TNR: variants seen among roughly 807,000 people sequenced by gnomAD.
TNR encodes the protein tenascin-R.
Under a neutral mutation model 150.4 loss-of-function variants are expected in TNR, and 45 were observed. The ratio of observed to expected loss-of-function variants is 0.30; its 90% CI spans 0.24 to 0.38. TNR has a LOEUF of 0.38. TNR is among the 10% of genes least tolerant of loss of function. The pLI, the probability that TNR is intolerant of heterozygous loss-of-function variation, is 1.00. For missense variants in TNR, 1,544 were observed against 1,759.1 expected (o/e 0.88, Z 2.19); for synonymous variants, 687 against 678.4 (o/e 1.01, Z -0.20).
At chr1:175,376,564 C>G (rs577051463) in intron 9 of TNR, among the ~76,000 whole-genome samples, 2 of 152,276 alleles carry the variant, frequency 1.3e-5, no homozygotes, top group Non-Finnish European at 2.9e-5. Flanking sequence ...GGCTGAAAAA[C>G]TTAACTTTTT....
intron 1 of TNR, among the ~76,000 whole-genome samples, chr1:175,621,093 G>A (rs1266093465): frequency 6.6e-6 from 1 of 152,288 alleles, no homozygotes; most frequent in East Asian, 1.9e-4. Context: ...CATCGTCCTT[G>A]ACTGTTAACT....
chr1:175,588,210 A>C (rs999940316), intron 1 of TNR, among the ~76,000 whole-genome samples: 20 of 152,384 alleles, frequency 1.3e-4, no homozygotes, highest in South Asian at 4.1e-4. Flanking sequence ...GGAGGAATTC[A>C]AGCATTGAAT....
chr1:175,656,373 T>C (rs576703521), intron 1 of TNR, among the ~76,000 whole-genome samples: 6 of 152,160 alleles, frequency 3.9e-5, no homozygotes, highest in African/African-American at 1.4e-4. Context: ...ACGAAAATAT[T>C]TTTCAGTTCC....
intron 2 of TNR, among the ~76,000 whole-genome samples, chr1:175,417,076 A>C (rs868519649): frequency 6.3e-4 from 72 of 113,762 alleles, no homozygotes; most frequent in African/African-American, 2.0e-3. Context: ...AGAAAGAAAG[A>C]AATCTAAGAA....
chr1:175,576,901 T>C (rs1261425527), intron 1 of TNR, among the ~76,000 whole-genome samples: 2 of 152,228 alleles, frequency 1.3e-5, no homozygotes, highest in African/African-American at 2.4e-5. Context: ...CTCTACTCTG[T>C]GTATGATAAT....
chr1:175,478,689 T>A (rs1016843805), intron 2 of TNR, among the ~76,000 whole-genome samples: 2 of 152,058 alleles, frequency 1.3e-5, no homozygotes, highest in Admixed American at 1.3e-4. Flanking sequence ...GGACAATCCA[T>A]GCCTGGCTCA....
chr1:175,436,581 C>T lies in TNR; in HGVS notation c.-63-29804G>A, dbSNP rs567943434. On this transcript the variant is annotated intron_variant, in intron 2 of 22. Transcript: ENST00000367674. Reference sequence around the variant, plus strand: ...AAATGCCCCAATTAAAAGACACAGACTGGCAAATTGGATAAAGAGTCAAGA... The same window carrying T: ...AAATGCCCCAATTAAAAGACACAGATTGGCAAATTGGATAAAGAGTCAAGA... Among the ~76,000 whole-genome samples the T allele has an allele frequency of 2.2e-4, 34 of 152,236 alleles. 1 individual carries two copies. The highest frequency in any genetic ancestry group is 8.2e-4 in the African/African-American group (34 of 41,540).
In TNR at chr1:175,318,105, CCTT is replaced by C. The variant is rs1648892902; in HGVS notation, c.*5249_*5251del. ...AACTGGTTGAGCAAAGAAAGAAAGT[CCTT>C]CTGCTTCTGGTTTTCGGTGCAGTGA... is the stretch of plus-strand genomic sequence containing the variant. On this transcript the variant is annotated 3_prime_UTR_variant, in exon 23 of 23. Transcript: ENST00000367674. The C allele has an allele frequency of 6.6e-6, 1 of 152,332 alleles. No homozygotes were observed. Among genetic ancestry groups the C allele is most frequent in the African/African-American group, 2.4e-5 (1 of 41,572 alleles). 9.4% of individuals were successfully genotyped at this position (152,332 alleles called of 1,614,324 possible).
At chr1:175,507,580 C>T (rs1375027842) in intron 2 of TNR, among the ~76,000 whole-genome samples, 1 of 151,898 alleles carries the variant, frequency 6.6e-6, no homozygotes, top group South Asian at 2.1e-4. Context: ...ACACATACCC[C>T]ATACTTCAGG....
chr1:175,434,653 C>T lies in TNR; in HGVS notation c.-63-27876G>A, dbSNP rs79291557. 6.4e-3 allele frequency among the ~76,000 whole-genome samples: 976 copies of T among 152,264 alleles called. 8 individuals are homozygous for T. The highest frequency in any genetic ancestry group is 0.022 in the African/African-American group (914 of 41,554). On this transcript the variant is annotated intron_variant, in intron 2 of 22. Transcript: ENST00000367674. Reference sequence around the variant, plus strand: ...GGTCTACGATATGACTCTGTTTAGGCCCCCAACCTTACCTCTTACCACTCC... The same window carrying T: ...GGTCTACGATATGACTCTGTTTAGGTCCCCAACCTTACCTCTTACCACTCC...
intron 9 of TNR, among the ~76,000 whole-genome samples, chr1:175,374,584 G>A (rs1439661149): frequency 6.6e-6 from 1 of 152,188 alleles, no homozygotes; most frequent in African/African-American, 2.4e-5. Context: ...CATCATGTGT[G>A]GCTGGCTGTA....
chr1:175,547,769 T>G (rs899668899), intron 1 of TNR, among the ~76,000 whole-genome samples: 25 of 152,088 alleles, frequency 1.6e-4, no homozygotes, highest in Non-Finnish European at 2.9e-4. Flanking sequence ...AGTGTGACAG[T>G]GCAGAGTGAT....
intron 21 of TNR, among the ~76,000 whole-genome samples, chr1:175,326,790 C>T (rs1649421500): frequency 6.6e-6 from 1 of 152,150 alleles, no homozygotes; most frequent in Admixed American, 6.5e-5. Context: ...GCCTCAGCCT[C>T]CCAAGTAGCT....
At chr1:175,423,944 T>A (rs543312580) in intron 2 of TNR, among the ~76,000 whole-genome samples, 32 of 152,226 alleles carry the variant, frequency 2.1e-4, no homozygotes, top group African/African-American at 7.2e-4. Context: ...CTATGGGCCT[T>A]GGGGGTTAGA....
chr1:175,330,019 G>A lies in TNR; in HGVS notation c.3793+55C>T. ...TGAGGCAGCTTACGCCTAGAATCTG[G>A]GGGCTCTTGTCCCATGCCCACTGTC... On this transcript the variant is annotated intron_variant, in intron 21 of 22. Coordinates refer to ENST00000367674, the MANE Select transcript of TNR (RefSeq NM_003285.3). 7 of 1,420,850 alleles carry A rather than the reference G, an allele frequency of 4.9e-6. No homozygotes were observed. In the South Asian group the frequency reaches 8.6e-5, roughly 17 times the overall value. The allele number at this position is 1,420,850 out of a possible 1,614,324, so 88.0% of individuals were successfully genotyped here.
Position 175,628,528 on chromosome 1 carries a change from A to T in TNR, c.-164-100159T>A, listed in dbSNP as rs201851351. 2.6e-3 allele frequency among the ~76,000 whole-genome samples: 214 copies of T among 82,280 alleles called. 1 individual carries two copies. In the East Asian group the frequency reaches 0.09, roughly 35 times the overall value. 54.0% of individuals were successfully genotyped at this position (82,280 alleles called of 152,430 possible). ...GTAAAGTATAATAATAATAAAATTAAAAAAAAAAAGAATGGCACCTTTTTT... is the reference window on the plus strand; with the variant it reads ...GTAAAGTATAATAATAATAAAATTATAAAAAAAAAGAATGGCACCTTTTTT... On this transcript the variant is annotated intron_variant, in intron 1 of 22. Coordinates refer to ENST00000367674, the MANE Select transcript of TNR (RefSeq NM_003285.3).
At chr1:175,580,910 A>G (rs1662326620) in intron 1 of TNR, among the ~76,000 whole-genome samples, 1 of 152,108 alleles carries the variant, frequency 6.6e-6, no homozygotes, top group Non-Finnish European at 1.5e-5. Context: ...TAGAAAGAAC[A>G]GAGGGTTTCA....
At chr1:175,620,959 G>C (rs1663952668) in intron 1 of TNR, among the ~76,000 whole-genome samples, 1 of 152,188 alleles carries the variant, frequency 6.6e-6, no homozygotes, top group Non-Finnish European at 1.5e-5. Flanking sequence ...ATAGTTTCCA[G>C]AGTGCTGAGA....
chr1:175,675,452 C>A (rs1665830373), intron 1 of TNR, among the ~76,000 whole-genome samples: 1 of 152,188 alleles, frequency 6.6e-6, no homozygotes. Context: ...GGTGCATGCA[C>A]ACACAATCGC....
Sources: allele counts gnomAD v4.1 joint callset (sites outside exome capture counted in the v4.1 genomes callset), GRCh38; gene constraint gnomAD v4.1.1; transcripts MANE v1.5; gene names NCBI Gene and HGNC (gene_info 2026-07-23, HGNC 2026-07-21).